The following USP39 variants were observed in gnomAD, a reference collection of about 807,000 sequenced individuals.
The protein encoded by USP39 is ubiquitin specific peptidase 39.
A neutral mutation model predicts 66.4 loss-of-function variants in USP39; 38 were observed. The observed-to-expected ratio is 0.57, with a 90% CI of 0.44 to 0.75. USP39 has a LOEUF of 0.75. Among genes scored for constraint, USP39 ranks in the 30% least tolerant of loss-of-function variants. The pLI is 0.00. For missense variants in USP39, 608 were observed against 714.4 expected, an observed-to-expected ratio of 0.85 and a Z score of 1.70; for synonymous variants, 303 against 274.6, an observed-to-expected ratio of 1.10 and a Z score of -1.02.
Position 85,648,968 on chromosome 2 carries a change from G to A in USP39, c.*160G>A. ...AGAGCACCAAGAGCCCACTTGCCTG[G>A]GATGGCCCCACACTGTCACTCAGCT... On this transcript the variant is annotated 3_prime_UTR_variant, in exon 13 of 13. Coordinates refer to ENST00000323701, the MANE Select transcript of USP39 (RefSeq NM_006590.4). The A allele has an allele frequency of 2.6e-6, 2 of 766,714 alleles. No individual in the cohort carries two copies. The highest frequency in any genetic ancestry group is 4.4e-6 in the Non-Finnish European group (2 of 450,594). 47.5% of individuals were successfully genotyped at this position (766,714 alleles called of 1,614,324 possible).
chr2:85,628,272 A>G (rs917960650), intron 5 of USP39, among the ~76,000 whole-genome samples: 7 of 151,988 alleles, frequency 4.6e-5, no homozygotes, highest in African/African-American at 1.7e-4. Flanking sequence ...CAGCCTCCCG[A>G]GTAGCTGGGA....
In USP39 at chr2:85,630,834, G is replaced by A. The variant is rs765903426; in HGVS notation, c.837G>A (p.Glu279=). ...IMFLLVQRFG[E]LMRKLWNPRN... ...TCTTGTTGGTCCAGCGTTTTGGAGA[G>A]CTGATGAGAAAGCTCTGGAACCCTC... The change falls in exon 6 of 13, where the codon GAG becomes GAA. Residue 279 remains glutamate, a synonymous_variant. Coordinates refer to ENST00000323701, the MANE Select transcript of USP39 (RefSeq NM_006590.4). 2 of 1,614,192 alleles carry A rather than the reference G, an allele frequency of 1.2e-6. No homozygotes were observed. The highest frequency in any genetic ancestry group is 1.7e-6 in the Non-Finnish European group (2 of 1,180,036).
At chr2:85,636,404 T>G (rs1675777876) in intron 7 of USP39, among the ~76,000 whole-genome samples, 1 of 152,200 alleles carries the variant, frequency 6.6e-6, no homozygotes, top group African/African-American at 2.4e-5. Context: ...ACTGTTTATC[T>G]GGGGTAGGCT....
upstream of USP39, among the ~76,000 whole-genome samples, chr2:85,609,961 G>A (rs959694125): frequency 4.7e-5 from 7 of 149,698 alleles, no homozygotes; most frequent in Admixed American, 2.0e-4. Context: ...GATTACAGGC[G>A]TGAGCCACTG....
At chr2:85,624,187 A>G (rs923065619) in intron 4 of USP39, among the ~76,000 whole-genome samples, 3 of 152,066 alleles carry the variant, frequency 2.0e-5, no homozygotes, top group Non-Finnish European at 4.4e-5. Context: ...CCAGCCACAG[A>G]TATCTTATCT....
At chr2:85,617,013 A>G (rs1674036338) in intron 1 of USP39, among the ~76,000 whole-genome samples, 1 of 150,112 alleles carries the variant, frequency 6.7e-6, no homozygotes, top group South Asian at 2.1e-4. Flanking sequence ...TTCTAACTGC[A>G]AAAATCGTAA....
upstream of USP39, among the ~76,000 whole-genome samples, chr2:85,614,329 C>T (rs1469698955): frequency 6.6e-6 from 1 of 152,106 alleles, no homozygotes; most frequent in Non-Finnish European, 1.5e-5. Flanking sequence ...GCCTGGCCAA[C>T]ATGGTGAAAC....
intron 2 of USP39, 29 bp downstream of exon 2, chr2:85,619,318 C>T (rs781435296): frequency 6.2e-7 from 1 of 1,606,890 alleles, no homozygotes; most frequent in Non-Finnish European, 8.5e-7. Flanking sequence ...CTGAGTATAG[C>T]ACAAGAACAA....
upstream of USP39, chr2:85,611,147 G>T: frequency 3.3e-6 from 2 of 597,160 alleles, no homozygotes; most frequent in Non-Finnish European, 4.4e-6. Context: ...GGCTAAGGCT[G>T]CAGTAAGCCC....
Position 85,648,743 on chromosome 2 carries a change from T to C in USP39, c.1651-18T>C, listed in dbSNP as rs1462694315. 1.2e-6 allele frequency: 2 copies of C among 1,614,022 alleles called. No individual in the cohort carries two copies. The highest frequency in any genetic ancestry group is 1.7e-6 in the Non-Finnish European group (2 of 1,179,896). On this transcript the variant is annotated intron_variant, in intron 12 of 12. Transcript: ENST00000323701. ...TGAATGCCTCCTAGACTTCAGTTTG[T>C]GTTTTCATTTCTTACAGATTTGGAA...
At chr2:85,646,876 C>T (rs1676682531) in intron 11 of USP39, among the ~76,000 whole-genome samples, 1 of 148,016 alleles carries the variant, frequency 6.8e-6, no homozygotes, top group Non-Finnish European at 1.5e-5. Context: ...TTCTTGATGA[C>T]CTGTTGCTTT....
chr2:85,628,566 C>G lies in USP39; in HGVS notation c.724-2155C>G, dbSNP rs186169536. Among the ~76,000 whole-genome samples the G allele has an allele frequency of 4.0e-4, 61 of 152,256 alleles. 1 individual carries two copies. The highest frequency in any genetic ancestry group is 2.0e-4 in the Admixed American group (3 of 15,284). ...CTCTTTATAAAAATAAATGGATTAA[C>G]AAACCCTGTGTGATGATGTTTCCAC... On this transcript the variant is annotated intron_variant, in intron 5 of 12. Coordinates refer to ENST00000323701, the MANE Select transcript of USP39 (RefSeq NM_006590.4).
chr2:85,614,627 T>C (rs977812101), upstream of USP39, among the ~76,000 whole-genome samples: 1 of 152,334 alleles, frequency 6.6e-6, no homozygotes, highest in African/African-American at 2.4e-5. Flanking sequence ...TGTTTATATA[T>C]AGGATAAAAA....
At chr2:85,647,860 A>G (rs898782211) in intron 11 of USP39, 70 bp from the exon 12 acceptor site, 15 of 1,453,374 alleles carry the variant, frequency 1.0e-5, no homozygotes, top group Admixed American at 3.4e-5. Context: ...AGTCTTGGCT[A>G]TGATCCTTTC....
At chr2:85,637,695 A>T (rs555927289) in intron 8 of USP39, among the ~76,000 whole-genome samples, 1 of 152,278 alleles carries the variant, frequency 6.6e-6, no homozygotes, top group East Asian at 1.9e-4. Context: ...CAGAAAGCTC[A>T]GCTAAGCTTT....
Position 85,617,644 on chromosome 2 carries a change from C to T in USP39, c.268+1181C>T, listed in dbSNP as rs563208469. On this transcript the variant is annotated intron_variant, in intron 1 of 12. Transcript: ENST00000323701. The stretch of plus-strand genomic sequence containing the variant: ...TAGGATAGGCAACAGAGCGAGACCT[C>T]GTTTGAAAAAATGGTTAATGGTTCA... Among the ~76,000 whole-genome samples the T allele has an allele frequency of 1.2e-3, 176 of 152,204 alleles. 1 individual carries two copies. The highest frequency in any genetic ancestry group is 4.1e-3 in the African/African-American group (171 of 41,548).
At chr2:85,640,930 T>A in intron 9 of USP39, 46 bp from the exon 10 acceptor site, 1 of 1,559,164 alleles carries the variant, frequency 6.4e-7, no homozygotes, top group Non-Finnish European at 8.7e-7. Flanking sequence ...GCTCTAATAC[T>A]ACTGAACTTC....
chr2:85,628,422 G>GGT (rs1201283789), intron 5 of USP39, among the ~76,000 whole-genome samples: 1 of 152,156 alleles, frequency 6.6e-6, no homozygotes, highest in Non-Finnish European at 1.5e-5. Context: ...TGGGATTACA[G>GGT]GTGTGAGCCA....
chr2:85,634,236 G>A (rs1399354340), intron 6 of USP39, among the ~76,000 whole-genome samples: 2 of 151,978 alleles, frequency 1.3e-5, no homozygotes, highest in Non-Finnish European at 2.9e-5. Flanking sequence ...AGGGTTAGTA[G>A]GAAATAAGAT....
Sources: gnomAD v4.1 joint callset for allele counts (sites outside exome capture counted in the v4.1 genomes callset) on GRCh38, gnomAD v4.1.1 for gene constraint, MANE v1.5 for transcripts, NCBI Gene and HGNC (gene_info 2026-07-23, HGNC 2026-07-21) for gene names.